Variants in GALNT9 observed in about 807,000 individuals in gnomAD.
GALNT9 encodes GalNAc transferase 9.
GALNT9 carries 47 observed loss-of-function variants against 63.1 expected under a neutral mutation model. That is an observed-to-expected ratio of 0.75 (90% CI 0.59 to 0.95). The LOEUF is 0.95. Among genes scored for constraint, GALNT9 ranks in the 40% least tolerant of loss-of-function variants. The pLI, the probability that GALNT9 is intolerant of heterozygous loss-of-function variation, is 0.00. For synonymous variants in GALNT9, 396 were observed against 365.7 expected, an observed-to-expected ratio of 1.08 and a Z score of -0.94; for missense variants, 829 against 874.8, an observed-to-expected ratio of 0.95 and a Z score of 0.66.
At chr12:132,284,780 G>T (rs1328171755) in intron 2 of GALNT9, among the ~76,000 whole-genome samples, 4 of 152,254 alleles carry the variant, frequency 2.6e-5, no homozygotes, top group African/African-American at 7.2e-5. Context: ...TCAGTCCCCA[G>T]CACGCATTTG....
intron 2 of GALNT9, chr12:132,280,421 A>C (rs1880289833): frequency 6.6e-6 from 1 of 152,298 alleles, no homozygotes; most frequent in Non-Finnish European, 1.5e-5. Context: ...GTGGCCTGGC[A>C]GCACAGAGAC....
At chr12:132,291,325 T>TCCACAGCACCCACAA (rs1555242724) in intron 1 of GALNT9, among the ~76,000 whole-genome samples, 2 of 51,374 alleles carry the variant, frequency 3.9e-5, no homozygotes, top group Admixed American at 1.6e-4. Flanking sequence ...AGCACCCACA[T>TCCACAGCACCCACAA]CCACAGCACC....
chr12:132,222,457 C>A (rs1173281067), intron 6 of GALNT9, among the ~76,000 whole-genome samples: 1 of 152,046 alleles, frequency 6.6e-6, no homozygotes, highest in Non-Finnish European at 1.5e-5. Context: ...TCCTGTGTAT[C>A]AAAAACTCAA....
intron 4 of GALNT9, among the ~76,000 whole-genome samples, chr12:132,259,542 C>T (rs1481057453): frequency 4.6e-5 from 7 of 152,158 alleles, no homozygotes; most frequent in Non-Finnish European, 8.8e-5. Flanking sequence ...AGAACAGCGC[C>T]GGCTGGGGAC....
At chr12:132,208,335 AGGCCGGAGCCCGGCT>A (rs1049357625) in intron 6 of GALNT9, among the ~76,000 whole-genome samples, 2 of 152,200 alleles carry the variant, frequency 1.3e-5, no homozygotes. Context: ...CAGGTGAAGG[AGGCCGGAGCCCGGCT>A]GGCACTCTGC....
At position 132,301,060 on chromosome 12, in the gene GALNT9, C is replaced by T. The variant is rs376328369; in HGVS notation, c.239-14630G>A. Among the ~76,000 whole-genome samples the T allele has an allele frequency of 2.5e-4, 38 of 152,368 alleles. No homozygotes were observed. The South Asian group carries it at 3.3e-3, about 13-fold the overall frequency. The stretch of plus-strand genomic sequence containing the variant: ...TTCCTTTAATCCCCAGGGTTCCCTC[C>T]GAGCCAGCTGCTTTTGTCACCCCCA... On this transcript the variant is annotated intron_variant, in intron 1 of 10. Transcript: ENST00000328957.
At position 132,267,885 on chromosome 12, in the gene GALNT9, TCA is replaced by T. The variant is rs374414835; in HGVS notation, c.420-5262_420-5261del. ...ACACACGCATACAACCCACATGCAC[TCA>T]CACGCACACACGCACACAAATCCAC... On this transcript the variant is annotated intron_variant, in intron 2 of 10. Transcript: ENST00000328957. Among the ~76,000 whole-genome samples, 4 of 124,502 alleles carry T rather than the reference TCA, an allele frequency of 3.2e-5. No individual in the cohort carries two copies. The South Asian group carries it at 7.7e-4, about 24-fold the overall frequency. 81.7% of individuals were successfully genotyped at this position (124,502 alleles called of 152,430 possible).
intron 2 of GALNT9, among the ~76,000 whole-genome samples, chr12:132,262,898 G>A (rs557213182): frequency 8.5e-4 from 129 of 152,312 alleles, no homozygotes; most frequent in Middle Eastern, 6.8e-3. Flanking sequence ...CGCCAAGGGT[G>A]TACGGGGGCC....
At position 132,327,967 on chromosome 12, in the gene GALNT9, T is replaced by C. The variant is rs1279216226; in HGVS notation, c.238+999A>G. 6.6e-6 allele frequency among the ~76,000 whole-genome samples: 1 copy of C among 151,682 alleles called. No individual in the cohort carries two copies. The highest frequency in any genetic ancestry group is 6.6e-5 in the Admixed American group (1 of 15,250). ...AACCCCAGCTCCCGTCACCTCCCAC[T>C]CGAGCCTGTTACGGATGCTTTCTGG... On this transcript the variant is annotated intron_variant, in intron 1 of 10. Coordinates refer to ENST00000328957, the MANE Select transcript of GALNT9 (RefSeq NM_001122636.2). This position sits in a 1 kb window ranked among gnomAD's most constrained non-coding sequence, Gnocchi z 4.3.
intron 7 of GALNT9, 98 bp downstream of exon 7, chr12:132,203,407 C>A: frequency 9.1e-7 from 1 of 1,103,940 alleles, no homozygotes. Context: ...CTCACACCTG[C>A]AGGGGGCCCT....
chr12:132,253,063 G>C (rs1461840661), intron 5 of GALNT9, among the ~76,000 whole-genome samples: 2 of 152,176 alleles, frequency 1.3e-5, no homozygotes, highest in Non-Finnish European at 2.9e-5. Context: ...CTGAAGCAGA[G>C]AGGGAAGGCA....
chr12:132,240,718 C>A (rs2136899308), intron 6 of GALNT9: 68 of 455,920 alleles, frequency 1.5e-4, no homozygotes, highest in South Asian at 1.0e-3. Flanking sequence ...TTGCTGGAAC[C>A]CTTCTGTTTC....
intron 1 of GALNT9, among the ~76,000 whole-genome samples, chr12:132,289,980 ATCT>A (rs1880745649): frequency 6.6e-6 from 1 of 152,120 alleles, no homozygotes; most frequent in Non-Finnish European, 1.5e-5. Flanking sequence ...CTCAGATCCG[ATCT>A]TCTTCCTTGG....
At chr12:132,239,848 A>G (rs1185294713) in intron 6 of GALNT9, among the ~76,000 whole-genome samples, 4 of 152,144 alleles carry the variant, frequency 2.6e-5, no homozygotes, top group Non-Finnish European at 4.4e-5. Context: ...AAAGAGAGAC[A>G]GACACAAGGA....
intron 6 of GALNT9, chr12:132,240,598 C>A (rs2136898782): frequency 2.2e-6 from 1 of 455,366 alleles, no homozygotes; most frequent in Admixed American, 2.4e-5. Context: ...GCTGTGGGCT[C>A]CGTGCGTGGC....
chr12:132,203,761 C>T (rs1250702110), intron 6 of GALNT9, 71 bp from the exon 7 acceptor site: 83 of 1,528,870 alleles, frequency 5.4e-5, no homozygotes, highest in Non-Finnish European at 6.2e-5. Flanking sequence ...GCTAGGGGCC[C>T]GTGAGAGGCC....
At chr12:132,228,739 CAG>C (rs1877793836) in intron 6 of GALNT9, among the ~76,000 whole-genome samples, 1 of 152,158 alleles carries the variant, frequency 6.6e-6, no homozygotes, top group South Asian at 2.1e-4. Context: ...CGTTTCAAGA[CAG>C]AGAGCAAACG....
intron 1 of GALNT9, among the ~76,000 whole-genome samples, chr12:132,293,505 C>T (rs1372493801): frequency 7.2e-5 from 11 of 152,220 alleles, no homozygotes; most frequent in Non-Finnish European, 1.2e-4. Context: ...GCATTTCCTG[C>T]GAGGCGTATC....
At chr12:132,200,798 G>A (rs559276409) in intron 8 of GALNT9, 18 of 349,450 alleles carry the variant, frequency 5.2e-5, no homozygotes, top group South Asian at 3.4e-4. Context: ...ATGTGAACAC[G>A]CATGGATGTG....
Sources: allele counts gnomAD v4.1 joint callset (sites outside exome capture counted in the v4.1 genomes callset), GRCh38; gene constraint gnomAD v4.1.1; non-coding constraint Gnocchi (gnomAD v3.1); transcripts MANE v1.5; gene names NCBI Gene and HGNC (gene_info 2026-07-23, HGNC 2026-07-21).